DNAJC2: variants seen among roughly 807,000 people sequenced by gnomAD.
DNAJC2 encodes dnaJ homolog subfamily C member 2.
DNAJC2 carries 32 observed loss-of-function variants against 94.0 expected under a neutral mutation model. The ratio of observed to expected loss-of-function variants is 0.34; its 90% CI spans 0.26 to 0.46. DNAJC2 has a LOEUF of 0.46. DNAJC2 is among the 20% of genes least tolerant of loss of function. DNAJC2 has a pLI of 1.00. For synonymous variants in DNAJC2, 210 were observed against 229.7 expected (o/e 0.91, Z 0.77); for missense variants, 550 against 719.5 (o/e 0.76, Z 2.69).
In DNAJC2 at chr7:103,344,693, C is replaced by T. The variant is rs1203342812; in HGVS notation, c.-71G>A. 11 of 1,508,870 alleles carry T rather than the reference C, an allele frequency of 7.3e-6. No homozygotes were observed. Among genetic ancestry groups the T allele is most frequent in the Non-Finnish European group, 1.0e-5 (11 of 1,099,766 alleles). The allele number at this position is 1,508,870 out of a possible 1,614,324, so 93.5% of individuals were successfully genotyped here. On this transcript the variant is annotated 5_prime_UTR_variant, in exon 1 of 17. Coordinates refer to ENST00000379263, the MANE Select transcript of DNAJC2 (RefSeq NM_014377.3). ...GGCGGAGGGCGCTTAGGGTCCCCTC[C>T]AGCTCTACCTCTCACTCCGAGCCTC...
chr7:103,322,782 C>T lies in DNAJC2; in HGVS notation c.732G>A (p.Arg244=), dbSNP rs1474392023. 3 of 1,604,634 alleles carry T rather than the reference C, an allele frequency of 1.9e-6. No individual in the cohort carries two copies. In the South Asian group the frequency reaches 3.3e-5, roughly 18 times the overall value. ...CTCTGTTCTGCTTTTCAATCCATCT[C>T]CTCTCATCACGACTATAAAATAGAA... The part of the protein sequence containing the change: ...EKEKAECRDE[R]RWIEKQNRAT... The change falls in exon 8 of 17, where the codon AGG becomes AGA. Residue 244 remains arginine, a synonymous_variant. Transcript: ENST00000379263.
At chr7:103,321,108 G>A (rs185288321) in intron 10 of DNAJC2, among the ~76,000 whole-genome samples, 44 of 152,094 alleles carry the variant, frequency 2.9e-4, no homozygotes, top group Non-Finnish European at 5.4e-4. Flanking sequence ...CAAGGCATGA[G>A]AATGGCTTGA....
chr7:103,314,369 G>C (rs182795573), intron 15 of DNAJC2: 1 of 985,352 alleles, frequency 1.0e-6, no homozygotes, highest in Admixed American at 6.1e-5. Flanking sequence ...CAACTGAAGA[G>C]GAAGGAGCCT....
chr7:103,337,507 C>A (rs1249483141), intron 3 of DNAJC2: 7 of 454,200 alleles, frequency 1.5e-5, no homozygotes, highest in Non-Finnish European at 2.3e-5. Flanking sequence ...ACACACACAC[C>A]CATCCTAATT....
chr7:103,323,737 A>G, intron 6 of DNAJC2, 74 bp from the exon 7 acceptor site: 2 of 1,110,088 alleles, frequency 1.8e-6, no homozygotes, highest in Non-Finnish European at 2.4e-6. Context: ...CAAGTGAATG[A>G]ATTTGTTTTA....
intron 3 of DNAJC2, among the ~76,000 whole-genome samples, chr7:103,334,504 A>T (rs1016074561): frequency 2.6e-5 from 4 of 151,750 alleles, no homozygotes; most frequent in Non-Finnish European, 5.9e-5. Flanking sequence ...TGAACCCTGG[A>T]GATGGAGGTT....
chr7:103,322,823 C>G (rs199531053), intron 7 of DNAJC2, 29 bp from the exon 8 acceptor site: 103 of 1,533,574 alleles, frequency 6.7e-5, no homozygotes, highest in African/African-American at 1.2e-4. Context: ...TGGAAACAAA[C>G]TACTGCTTAT....
intron 10 of DNAJC2, among the ~76,000 whole-genome samples, chr7:103,320,486 C>A (rs1818324787): frequency 1.3e-5 from 2 of 151,904 alleles, no homozygotes; most frequent in Non-Finnish European, 2.9e-5. Context: ...AACCAAAAAA[C>A]AAGTTAATAT....
At chr7:103,318,606 T>A (rs1372401494) in intron 12 of DNAJC2, among the ~76,000 whole-genome samples, 2 of 152,180 alleles carry the variant, frequency 1.3e-5, no homozygotes, top group African/African-American at 4.8e-5. Flanking sequence ...TGCAACAGCA[T>A]TAGGCATTTC....
chr7:103,332,467 T>A (rs1170202404), intron 3 of DNAJC2, among the ~76,000 whole-genome samples: 2 of 152,216 alleles, frequency 1.3e-5, no homozygotes, highest in Non-Finnish European at 2.9e-5. Context: ...CAGTTTATGA[T>A]TAACCGATTC....
intron 3 of DNAJC2, among the ~76,000 whole-genome samples, chr7:103,333,458 G>C (rs1327175142): frequency 2.0e-5 from 3 of 152,158 alleles, no homozygotes; most frequent in Non-Finnish European, 4.4e-5. Context: ...TAATTTCCAA[G>C]TGACTGGTAT....
At chr7:103,343,966 T>C (rs1819492998) in intron 1 of DNAJC2, among the ~76,000 whole-genome samples, 1 of 152,242 alleles carries the variant, frequency 6.6e-6, no homozygotes, top group Admixed American at 6.5e-5. Flanking sequence ...AAGTTTACAA[T>C]ACTCATGACT....
At chr7:103,327,597 C>G in intron 4 of DNAJC2, 59 bp downstream of exon 4, 1 of 1,148,250 alleles carries the variant, frequency 8.7e-7, no homozygotes, top group Non-Finnish European at 1.3e-6. Context: ...AACCCAATCC[C>G]AGCAATTAAT....
At chr7:103,332,387 C>G (rs558458264) in intron 3 of DNAJC2, among the ~76,000 whole-genome samples, 72 of 152,174 alleles carry the variant, frequency 4.7e-4, no homozygotes, top group African/African-American at 1.7e-3. Context: ...TTTTTGGGCT[C>G]TCTTTGCTAG....
chr7:103,342,079 G>A lies in DNAJC2; in HGVS notation c.65-125C>T, dbSNP rs143477217. ...ACCAGCATATACTTTTAAAACCACC[G>A]ACTACGAAAATAATTGCAGTCATCC... On this transcript the variant is annotated intron_variant, in intron 1 of 16. Coordinates refer to ENST00000379263, the MANE Select transcript of DNAJC2 (RefSeq NM_014377.3). The A allele has an allele frequency of 1.7e-3, 1,046 of 627,434 alleles. 11 individuals carry two copies. In the African/African-American group the frequency reaches 0.017, roughly 10 times the overall value. The allele number at this position is 627,434 out of a possible 1,614,324, so 38.9% of individuals were successfully genotyped here. A position where few individuals can be genotyped will look rare whatever the true frequency, so the allele number is the denominator to read the frequency against.
chr7:103,344,482 G>A (rs1819520038), intron 1 of DNAJC2, 77 bp downstream of exon 1: 4 of 1,539,778 alleles, frequency 2.6e-6, no homozygotes, highest in South Asian at 2.2e-5. Flanking sequence ...GGTAGAGAGA[G>A]CCCAGGGTTG....
chr7:103,333,364 T>C (rs1023860266), intron 3 of DNAJC2, among the ~76,000 whole-genome samples: 3 of 152,226 alleles, frequency 2.0e-5, no homozygotes, highest in African/African-American at 7.2e-5. Context: ...TCCTTAAGTT[T>C]TGATAAAGCA....
chr7:103,326,474 C>A, intron 5 of DNAJC2, 69 bp downstream of exon 5: 1 of 1,477,532 alleles, frequency 6.8e-7, no homozygotes, highest in East Asian at 2.3e-5. Flanking sequence ...AGGGAAAGAG[C>A]AGAAACCTGG....
chr7:103,333,646 C>T (rs1819056227), intron 3 of DNAJC2, among the ~76,000 whole-genome samples: 1 of 152,148 alleles, frequency 6.6e-6, no homozygotes, highest in African/African-American at 2.4e-5. Context: ...TTCCCTTGTA[C>T]CCTTTTCCAC....
Sources: gnomAD v4.1 joint callset for allele counts (sites outside exome capture counted in the v4.1 genomes callset) on GRCh38, gnomAD v4.1.1 for gene constraint, MANE v1.5 for transcripts, NCBI Gene and HGNC (gene_info 2026-07-23, HGNC 2026-07-21) for gene names.